CGGBP1: variants seen among roughly 807,000 people sequenced by gnomAD.
The protein encoded by CGGBP1 is CGG triplet repeat-binding protein 1.
Under a neutral mutation model 11.4 loss-of-function variants are expected in CGGBP1, and 4 were observed. That is an observed-to-expected ratio of 0.35 (90% CI 0.17 to 0.80). The LOEUF is 0.80. Among genes scored for constraint, CGGBP1 ranks in the 30% least tolerant of loss-of-function variants. CGGBP1 has a pLI of 0.52. For missense variants in CGGBP1, 135 were observed against 202.1 expected, an observed-to-expected ratio of 0.67 and a Z score of 2.01; for synonymous variants, 76 against 74.1, an observed-to-expected ratio of 1.03 and a Z score of -0.13.
chr3:88,149,113 A>G (rs1361883409), intron 1 of CGGBP1, among the ~76,000 whole-genome samples: 1 of 152,214 alleles, frequency 6.6e-6, no homozygotes, highest in Non-Finnish European at 1.5e-5. Flanking sequence ...ACAGAGCATG[A>G]CTATTTCTCT....
At chr3:88,092,921 G>A (rs1007328014) in intron 2 of CGGBP1, among the ~76,000 whole-genome samples, 9 of 152,128 alleles carry the variant, frequency 5.9e-5, no homozygotes, top group Non-Finnish European at 1.2e-4. Context: ...TGTCTACAGG[G>A]AAGGAAAGTG....
intron 2 of CGGBP1, among the ~76,000 whole-genome samples, chr3:88,099,339 A>C (rs983381751): frequency 6.6e-6 from 1 of 152,198 alleles, no homozygotes; most frequent in Non-Finnish European, 1.5e-5. Context: ...TCACAAACAA[A>C]TGGAAGAATA....
chr3:88,062,516 T>C (rs1261752494), upstream of CGGBP1, among the ~76,000 whole-genome samples: 6 of 152,200 alleles, frequency 3.9e-5, no homozygotes, highest in Non-Finnish European at 7.3e-5. Flanking sequence ...AAGCAGACTG[T>C]TATTGTCTGA....
intron 2 of CGGBP1, among the ~76,000 whole-genome samples, chr3:88,122,455 C>T (rs61296869): frequency 0.01 from 1,564 of 152,202 alleles, 26 homozygotes; most frequent in African/African-American, 0.035. Context: ...GTTGTAGGTG[C>T]CTTCTCTAAA....
At chr3:88,082,492 G>T (rs1200384940) in intron 2 of CGGBP1, among the ~76,000 whole-genome samples, 2 of 152,214 alleles carry the variant, frequency 1.3e-5, no homozygotes, top group Non-Finnish European at 2.9e-5. Context: ...TTAGTGAACA[G>T]CTTGAATGAC....
In CGGBP1 at chr3:88,053,082, T is replaced by C. The variant is rs1360068092; in HGVS notation, c.*2391A>G. 1 of 152,496 alleles carries C rather than the reference T, an allele frequency of 6.6e-6. No homozygotes were observed. The highest frequency in any genetic ancestry group is 1.5e-5 in the Non-Finnish European group (1 of 67,966). 9.4% of individuals were successfully genotyped at this position (152,496 alleles called of 1,614,324 possible). A position where few individuals can be genotyped will look rare whatever the true frequency, so the allele number is the denominator to read the frequency against. ...CAATAGTATAGCATCACACTAACAC[T>C]ATATAGTTAAGATTGAAAACTTCTG... is the stretch of plus-strand genomic sequence containing the variant. On this transcript the variant is annotated 3_prime_UTR_variant, in exon 4 of 4. Transcript: ENST00000482016.
At chr3:88,123,099 A>G (rs1481481176) in intron 2 of CGGBP1, among the ~76,000 whole-genome samples, 1 of 152,134 alleles carries the variant, frequency 6.6e-6, no homozygotes, top group Non-Finnish European at 1.5e-5. Context: ...TTCTACAGTA[A>G]TTTAAGTGCT....
chr3:88,120,534 G>T (rs1397198201), intron 2 of CGGBP1, among the ~76,000 whole-genome samples: 3 of 152,052 alleles, frequency 2.0e-5, no homozygotes, highest in Non-Finnish European at 2.9e-5. Flanking sequence ...TCAGGAGATG[G>T]TGAAGAAAAT....
At chr3:88,097,228 A>T (rs1704118170) in intron 2 of CGGBP1, among the ~76,000 whole-genome samples, 1 of 152,158 alleles carries the variant, frequency 6.6e-6, no homozygotes, top group Admixed American at 6.5e-5. Flanking sequence ...TTTATCACTT[A>T]TCACACATTT....
Position 88,082,790 on chromosome 3 carries a change from G to A in CGGBP1, c.-228-24567C>T, listed in dbSNP as rs1465578175. ...GATCACTTTATATGTTTAAATAGTT[G>A]TGTATTACTTAGGCTGCCATAGGAA... On this transcript the variant is annotated intron_variant, in intron 2 of 3. Coordinates refer to the CGGBP1 transcript ENST00000462901. 2.0e-5 allele frequency among the ~76,000 whole-genome samples: 3 copies of A among 152,162 alleles called. No homozygotes were observed. In the East Asian group the frequency reaches 5.8e-4, roughly 29 times the overall value.
At chr3:88,120,760 G>T (rs1251770255) in intron 2 of CGGBP1, among the ~76,000 whole-genome samples, 1 of 152,034 alleles carries the variant, frequency 6.6e-6, no homozygotes, top group African/African-American at 2.4e-5. Flanking sequence ...CATTTAAAAA[G>T]GATGAAACTA....
chr3:88,096,564 G>A (rs570394323), intron 2 of CGGBP1, among the ~76,000 whole-genome samples: 1 of 152,116 alleles, frequency 6.6e-6, no homozygotes, highest in East Asian at 1.9e-4. Context: ...TTTTAGATTG[G>A]CAATTTTTTT....
chr3:88,130,617 ATTTT>A lies in CGGBP1; in HGVS notation c.-229+10349_-229+10352del, dbSNP rs10674029. ...AGATGTGTGCAACCATGCCCAGCTA[ATTTT>A]TTTTTTTTTTTTTTGGTAGAGATGG... On this transcript the variant is annotated intron_variant, in intron 2 of 3. Transcript: ENST00000462901. Among the ~76,000 whole-genome samples, 7 of 129,184 alleles carry A rather than the reference ATTTT, an allele frequency of 5.4e-5. No homozygotes were observed. The South Asian group carries it at 7.4e-4, about 14-fold the overall frequency. 84.7% of individuals were successfully genotyped at this position (129,184 alleles called of 152,430 possible).
In CGGBP1 at chr3:88,053,394, G is replaced by C. The variant is rs1386924616; in HGVS notation, c.*2079C>G. 1 of 152,110 alleles carries C rather than the reference G, an allele frequency of 6.6e-6. No homozygotes were observed. The highest frequency in any genetic ancestry group is 1.5e-5 in the Non-Finnish European group (1 of 67,972). 9.4% of individuals were successfully genotyped at this position (152,110 alleles called of 1,614,324 possible). On this transcript the variant is annotated 3_prime_UTR_variant, in exon 4 of 4. Transcript: ENST00000482016. ...AATGGACTATGCCCCTAGTTACAGT[G>C]AATGTGGGAATTAATTAGGAGTCTG...
At chr3:88,060,134 C>T (rs573789573), upstream of CGGBP1, among the ~76,000 whole-genome samples, 3 of 152,104 alleles carry the variant, frequency 2.0e-5, no homozygotes, top group African/African-American at 7.2e-5. Flanking sequence ...TTTTAACCTC[C>T]TTCGGTTGAC....
At chr3:88,099,971 A>C (rs1704309685) in intron 2 of CGGBP1, among the ~76,000 whole-genome samples, 2 of 152,254 alleles carry the variant, frequency 1.3e-5, no homozygotes, top group Non-Finnish European at 2.9e-5. Flanking sequence ...AAAATTGACA[A>C]ATAGGATCTA....
At chr3:88,087,435 A>C (rs1195394261) in intron 2 of CGGBP1, among the ~76,000 whole-genome samples, 1 of 152,230 alleles carries the variant, frequency 6.6e-6, no homozygotes, top group Admixed American at 6.5e-5. Context: ...TAAAAACTGA[A>C]CATTTGTGAT....
intron 2 of CGGBP1, among the ~76,000 whole-genome samples, chr3:88,097,482 C>T (rs1230317389): frequency 6.6e-6 from 1 of 152,018 alleles, no homozygotes; most frequent in Non-Finnish European, 1.5e-5. Flanking sequence ...CCAAGCAGAC[C>T]TAACAGACAT....
rs1227091869 is a variant in CGGBP1 at position 88,052,968 on chromosome 3, GTGT to G, written c.*2502_*2504del. On this transcript the variant is annotated 3_prime_UTR_variant, in exon 4 of 4. Transcript: ENST00000482016. ...TACTTTGAGAAAACACTATTAACATGTGTTGAAGAAGGCAGTTTATAAATGAAA... is the reference window on the plus strand; with the variant it reads ...TACTTTGAGAAAACACTATTAACATGTGAAGAAGGCAGTTTATAAATGAAA... 6.6e-6 allele frequency: 1 copy of G among 152,502 alleles called. No homozygotes were observed. The highest frequency in any genetic ancestry group is 1.5e-5 in the Non-Finnish European group (1 of 67,988). 9.4% of individuals were successfully genotyped at this position (152,502 alleles called of 1,614,324 possible).
Sources: allele counts gnomAD v4.1 joint callset (sites outside exome capture counted in the v4.1 genomes callset), GRCh38; gene constraint gnomAD v4.1.1; transcripts MANE v1.5; gene names NCBI Gene and HGNC (gene_info 2026-07-23, HGNC 2026-07-21).